The following ANK1 variants were observed in gnomAD, a reference collection of about 807,000 sequenced individuals.
ANK1 encodes the protein ankyrin 1.
ANK1 carries 51 observed loss-of-function variants against 210.4 expected under a neutral mutation model. The observed-to-expected ratio is 0.24, with a 90% CI of 0.19 to 0.31. The LOEUF (loss-of-function observed/expected upper bound fraction) is 0.31, where lower values mean the gene tolerates loss of function less well. Among genes scored for constraint, ANK1 ranks in the 10% least tolerant of loss-of-function variants. The probability of loss-of-function intolerance (pLI) is 1.00; values close to 1 mark genes in which losing one functional copy is unlikely to be tolerated. For synonymous variants in ANK1, 967 were observed against 1,025.9 expected (o/e 0.94, Z 1.10); for missense variants, 2,051 against 2,504.4 (o/e 0.82, Z 3.86).
intron 1 of ANK1, among the ~76,000 whole-genome samples, chr8:41,849,761 T>C (rs1810851769): frequency 1.3e-5 from 2 of 152,214 alleles, no homozygotes; most frequent in Admixed American, 1.3e-4. Context: ...TTCTACGTGA[T>C]CTCTCAGCTC....
At chr8:41,723,937 G>C (rs995449618) in intron 7 of ANK1, among the ~76,000 whole-genome samples, 2 of 151,410 alleles carry the variant, frequency 1.3e-5, no homozygotes, top group Middle Eastern at 3.4e-3. Context: ...CTACAGGCAC[G>C]CGCCACCATG....
At chr8:41,778,443 A>G (rs1426265290) in intron 1 of ANK1, among the ~76,000 whole-genome samples, 1 of 152,254 alleles carries the variant, frequency 6.6e-6, no homozygotes, top group Non-Finnish European at 1.5e-5. Context: ...AAAGACTGCC[A>G]GGTTTTAGGA....
At chr8:41,880,453 ATGCTCAG>A (rs1817378074) in intron 1 of ANK1, among the ~76,000 whole-genome samples, 1 of 152,176 alleles carries the variant, frequency 6.6e-6, no homozygotes, top group Admixed American at 6.5e-5. Flanking sequence ...CTGGACTTTA[ATGCTCAG>A]CTGTGAACCC....
chr8:41,871,597 ACCAGGAG>A (rs1240991572), intron 1 of ANK1, among the ~76,000 whole-genome samples: 3 of 152,156 alleles, frequency 2.0e-5, no homozygotes, highest in Non-Finnish European at 4.4e-5. Flanking sequence ...CCCACAGACC[ACCAGGAG>A]CCAGGAGAGG....
chr8:41,766,281 A>T (rs1191789779), intron 1 of ANK1, among the ~76,000 whole-genome samples: 1 of 152,176 alleles, frequency 6.6e-6, no homozygotes. Context: ...GAGGAAAGAC[A>T]GCTGTCCCCA....
At position 41,661,876 on chromosome 8, in the gene ANK1, C is replaced by T. The variant is rs750593058; in HGVS notation, c.5544G>A (p.Glu1848=). The T allele has an allele frequency of 6.2e-7, 1 of 1,614,144 alleles. No individual in the cohort carries two copies. Among genetic ancestry groups the T allele is most frequent in the Non-Finnish European group, 8.5e-7 (1 of 1,179,996 alleles). ...CCTCCAGGGGCCCCTCTACAGTCAC[C>T]TCCTCGTGCTCCTGGGCGGCATCGG... The part of the protein sequence containing the change: ...SSADAAQEHE[E]VELRGSGLQP... Residue 1848 remains glutamate, a splice_region_variant and synonymous_variant, in exon 41 of 43, where the codon GAG becomes GAA. Coordinates refer to ENST00000289734, the MANE Select transcript of ANK1 (RefSeq NM_000037.4).
intron 34 of ANK1, 103 bp from the exon 35 acceptor site, chr8:41,688,333 T>G (rs1586092379): frequency 6.9e-7 from 1 of 1,454,568 alleles, no homozygotes. Context: ...TGCACTGGGG[T>G]GATTGTCTAG....
intron 2 of ANK1, among the ~76,000 whole-genome samples, chr8:41,743,258 AAG>A (rs1835244060): frequency 6.6e-6 from 1 of 152,202 alleles, no homozygotes; most frequent in Non-Finnish European, 1.5e-5. Flanking sequence ...GAATGAAAGA[AAG>A]AGCAGGGAAG....
intron 2 of ANK1, among the ~76,000 whole-genome samples, chr8:41,748,208 G>T (rs933788702): frequency 6.6e-6 from 1 of 152,318 alleles, no homozygotes; most frequent in South Asian, 2.1e-4. Flanking sequence ...CCAATGAAAC[G>T]TTCTTTCTTC....
rs368746877 is a variant in ANK1, at chr8:41,715,097, G to C, written c.1603-23C>G. 7.4e-6 allele frequency: 12 copies of C among 1,611,870 alleles called. No individual in the cohort carries two copies. In the African/African-American group the frequency reaches 1.5e-4, roughly 20 times the overall value. Reference sequence around the variant, plus strand: ...TTTCTGAGGAGAAACAGGCTGTCAGGACCTTGGGGCCCCAGGGCTGTCCTC... The same window carrying C: ...TTTCTGAGGAGAAACAGGCTGTCAGCACCTTGGGGCCCCAGGGCTGTCCTC... On this transcript the variant is annotated intron_variant, in intron 14 of 42. Coordinates refer to ENST00000289734, the MANE Select transcript of ANK1 (RefSeq NM_000037.4).
chr8:41,815,049 T>G (rs1587158970), intron 1 of ANK1, among the ~76,000 whole-genome samples: 1 of 152,274 alleles, frequency 6.6e-6, no homozygotes, highest in East Asian at 1.9e-4. Flanking sequence ...AATTTGATTT[T>G]GGAAAGTACC....
intron 3 of ANK1, among the ~76,000 whole-genome samples, chr8:41,733,187 A>G (rs945725873): frequency 2.0e-5 from 3 of 152,232 alleles, no homozygotes; most frequent in Non-Finnish European, 4.4e-5. Flanking sequence ...TTTATAATCT[A>G]CTGAAATGGA....
At chr8:41,832,691 G>A (rs1006554517) in intron 1 of ANK1, among the ~76,000 whole-genome samples, 1 of 152,162 alleles carries the variant, frequency 6.6e-6, no homozygotes, top group Admixed American at 6.5e-5. Context: ...CATCCCCCAG[G>A]GTTCCCAGAG....
chr8:41,760,920 A>C (rs968190534), intron 1 of ANK1, among the ~76,000 whole-genome samples: 1 of 152,084 alleles, frequency 6.6e-6, no homozygotes, highest in Non-Finnish European at 1.5e-5. Context: ...AACATGCTGC[A>C]GTGGGCTGAA....
At chr8:41,884,271 C>T (rs527825385) in intron 1 of ANK1, among the ~76,000 whole-genome samples, 1 of 152,080 alleles carries the variant, frequency 6.6e-6, no homozygotes, top group Non-Finnish European at 1.5e-5. Context: ...TCACTTGAAC[C>T]TGGGAGGCAG....
intron 2 of ANK1, among the ~76,000 whole-genome samples, chr8:41,743,535 C>T (rs568112956): frequency 5.3e-5 from 8 of 152,150 alleles, no homozygotes; most frequent in Non-Finnish European, 8.8e-5. Context: ...CTGGAGATGT[C>T]GGCCTTAGAG....
chr8:41,816,440 C>CT (rs1159893093), intron 1 of ANK1, among the ~76,000 whole-genome samples: 2 of 151,922 alleles, frequency 1.3e-5, no homozygotes, highest in Non-Finnish European at 2.9e-5. Flanking sequence ...AAATAATATT[C>CT]TTTTTTTTCT....
In ANK1 at chr8:41,724,527, C is replaced by T; in HGVS notation, c.640G>A (p.Ala214Thr). 3 of 1,599,566 alleles carry T rather than the reference C, an allele frequency of 1.9e-6. No homozygotes were observed. Among genetic ancestry groups the T allele is most frequent in the Non-Finnish European group, 2.6e-6 (3 of 1,172,956 alleles). The change falls in exon 7 of 43, where the codon GCT (alanine) becomes ACT (threonine). Residue 214 changes from alanine to threonine, a missense_variant. Ala to Thr is a moderately conservative substitution (Grantham distance 58). Transcript: ENST00000289734. ...GCCACGTTGAGGTTCTCGTAGTGAGCCGCAATGTGCAGGGGCGTGAATCCC... is the reference window on the plus strand; with the variant it reads ...GCCACGTTGAGGTTCTCGTAGTGAGTCGCAATGTGCAGGGGCGTGAATCCC... ...KTGFTPLHIA[A>T]HYENLNVAQL... is the part of the protein sequence containing the mutation.
intron 1 of ANK1, among the ~76,000 whole-genome samples, chr8:41,783,536 T>C (rs1176784977): frequency 3.3e-5 from 5 of 152,170 alleles, no homozygotes; most frequent in Admixed American, 3.3e-4. Context: ...AAGACCCTTT[T>C]CCTCATTGAA....
Sources: gnomAD v4.1 joint callset for allele counts (sites outside exome capture counted in the v4.1 genomes callset) on GRCh38, gnomAD v4.1.1 for gene constraint, MANE v1.5 for transcripts, NCBI Gene and HGNC (gene_info 2026-07-23, HGNC 2026-07-21) for gene names.